Variants in DNAI4 observed in about 807,000 individuals in gnomAD.
The protein encoded by DNAI4 is dynein axonemal intermediate chain 4, also known as WD repeat domain 78.
DNAI4 carries 85 observed loss-of-function variants against 105.8 expected under a neutral mutation model. That is an observed-to-expected ratio of 0.80 (90% CI 0.67 to 0.96). The LOEUF is 0.96. Ranked by LOEUF, DNAI4 falls within the 40% of genes least tolerant of loss-of-function variation. The pLI is 0.00. For missense variants in DNAI4, 1,014 were observed against 1,005.6 expected (o/e 1.01, Z -0.11); for synonymous variants, 352 against 331.5 (o/e 1.06, Z -0.67).
intron 6 of DNAI4, among the ~76,000 whole-genome samples, chr1:66,867,300 G>A (rs1437597121): frequency 6.6e-6 from 1 of 152,090 alleles, no homozygotes; most frequent in Admixed American, 6.5e-5. Flanking sequence ...GTAATATGCT[G>A]GCACTTGTTG....
rs115763127 is a variant in DNAI4, at chr1:66,865,381, G to A, written c.941-3079C>T. 9.5e-3 allele frequency among the ~76,000 whole-genome samples: 1,443 copies of A among 152,160 alleles called. 15 individuals carry two copies. The highest frequency in any genetic ancestry group is 0.033 in the African/African-American group (1,371 of 41,504). ...AGAGGTTGCAGTGAGCCAAGATTGC[G>A]CCATTGCCCTTCAACCTGGGTGTCA... On this transcript the variant is annotated intron_variant, in intron 6 of 16. Transcript: ENST00000371026.
In DNAI4 at chr1:66,840,557, G is replaced by A. The variant is rs1325809727; in HGVS notation, c.1406C>T (p.Pro469Leu). The change falls in exon 9 of 17, where the codon CCC becomes CTC. Residue 469 changes from proline to leucine, a missense_variant. Physicochemically the swap from Pro to Leu is moderately conservative, Grantham distance 98. Coordinates refer to ENST00000371026, the MANE Select transcript of DNAI4 (RefSeq NM_024763.5). ...EEIHAEESTI[P>L]ANLERLWSFS... Reference sequence around the variant, plus strand: ...AGACCAAAGTCGTTCCAAGTTGGCGGGTATTGTTGATTCTTCTGCATGTAT... The same window carrying A: ...AGACCAAAGTCGTTCCAAGTTGGCGAGTATTGTTGATTCTTCTGCATGTAT... 6.2e-6 allele frequency: 10 copies of A among 1,614,020 alleles called. No individual in the cohort carries two copies. Among genetic ancestry groups the A allele is most frequent in the African/African-American group, 1.3e-5 (1 of 74,894 alleles).
chr1:66,814,457 C>T (rs1442338182), intron 16 of DNAI4, among the ~76,000 whole-genome samples: 1 of 152,052 alleles, frequency 6.6e-6, no homozygotes, highest in Non-Finnish European at 1.5e-5. Flanking sequence ...TAACCTCCGC[C>T]TCCTGGGTTC....
Position 66,847,615 on chromosome 1 carries a change from T to C in DNAI4, c.1160A>G (p.Glu387Gly). ...TAATATTGCATCTGAGTGGTCTTCC[T>C]CATCTTCATGGATTTTTGCCAGAAT... Reference protein sequence around the residue: ...NVILAKIHEDEEDHSDAILKS... With the variant: ...NVILAKIHEDGEDHSDAILKS... Residue 387 changes from glutamate to glycine, a missense_variant, in exon 8 of 17, where the codon GAG becomes GGG. Glu to Gly is a moderately conservative substitution (Grantham distance 98). Coordinates refer to ENST00000371026, the MANE Select transcript of DNAI4 (RefSeq NM_024763.5). 1.2e-6 allele frequency: 2 copies of C among 1,613,838 alleles called. No homozygotes were observed. Among genetic ancestry groups the C allele is most frequent in the Non-Finnish European group, 1.7e-6 (2 of 1,179,924 alleles).
intron 9 of DNAI4, among the ~76,000 whole-genome samples, chr1:66,838,291 G>A (rs529604943): frequency 6.6e-6 from 1 of 152,262 alleles, no homozygotes; most frequent in South Asian, 2.1e-4. Flanking sequence ...TTATAAGGAT[G>A]GGGTCCTAAT....
intron 13 of DNAI4, among the ~76,000 whole-genome samples, chr1:66,833,262 A>G (rs533814908): frequency 6.6e-6 from 1 of 152,296 alleles, no homozygotes; most frequent in South Asian, 2.1e-4. Context: ...TATAATTCAC[A>G]CATGTCAAGT....
At chr1:66,918,599 T>C (rs780666344) in intron 1 of DNAI4, among the ~76,000 whole-genome samples, 10 of 152,162 alleles carry the variant, frequency 6.6e-5, no homozygotes, top group Non-Finnish European at 1.3e-4. Context: ...CCTATATCAA[T>C]TTTTCCAGGG....
chr1:66,830,880 C>T (rs1042988060), intron 13 of DNAI4, among the ~76,000 whole-genome samples: 4 of 144,710 alleles, frequency 2.8e-5, no homozygotes, highest in East Asian at 2.1e-4. Context: ...AGGAGGCTGA[C>T]GTGGGAGGAT....
chr1:66,860,758 G>A (rs919962624), intron 7 of DNAI4: 1 of 152,038 alleles, frequency 6.6e-6, no homozygotes, highest in African/African-American at 2.4e-5. Flanking sequence ...GGAAAAGATC[G>A]ATCTAATATA....
chr1:66,894,980 T>G (rs192918175), intron 2 of DNAI4, among the ~76,000 whole-genome samples: 1 of 152,210 alleles, frequency 6.6e-6, no homozygotes, highest in Non-Finnish European at 1.5e-5. Flanking sequence ...GCAAAGAATC[T>G]ATAAATCAAA....
intron 1 of DNAI4, among the ~76,000 whole-genome samples, chr1:66,906,228 A>G (rs1205711971): frequency 6.6e-6 from 1 of 152,004 alleles, no homozygotes; most frequent in African/African-American, 2.4e-5. Context: ...TTTTAATAAG[A>G]AGAGAAGTTA....
chr1:66,859,157 T>C (rs1314729033), intron 7 of DNAI4, among the ~76,000 whole-genome samples: 1 of 152,116 alleles, frequency 6.6e-6, no homozygotes, highest in Non-Finnish European at 1.5e-5. Flanking sequence ...GCCAAATTTT[T>C]AAAAGGGCAA....
At chr1:66,876,469 G>A (rs1646961387) in intron 4 of DNAI4, among the ~76,000 whole-genome samples, 1 of 152,006 alleles carries the variant, frequency 6.6e-6, no homozygotes, top group African/African-American at 2.4e-5. Flanking sequence ...AACCTAATAT[G>A]GTAACATCTC....
chr1:66,901,067 G>A (rs1208345512), intron 2 of DNAI4, among the ~76,000 whole-genome samples: 2 of 152,066 alleles, frequency 1.3e-5, no homozygotes, highest in Non-Finnish European at 2.9e-5. Flanking sequence ...AGTTTGTTGC[G>A]TGTTTATATC....
chr1:66,918,218 G>C (rs11208971), intron 1 of DNAI4, among the ~76,000 whole-genome samples: 1 of 151,962 alleles, frequency 6.6e-6, no homozygotes, highest in Non-Finnish European at 1.5e-5. Context: ...CAAACCAGTC[G>C]TACCATGATT....
chr1:66,891,404 T>A (rs905291152), intron 3 of DNAI4, 138 bp from the exon 4 acceptor site: 38 of 574,202 alleles, frequency 6.6e-5, no homozygotes, highest in Non-Finnish European at 1.1e-4. Context: ...CATTAATTTT[T>A]AAATAATGAG....
At chr1:66,901,195 A>AT (rs1350322155) in intron 2 of DNAI4, among the ~76,000 whole-genome samples, 10 of 152,068 alleles carry the variant, frequency 6.6e-5, no homozygotes, top group African/African-American at 2.4e-4. Context: ...ATATTTCATT[A>AT]ATTTCCACCC....
At chr1:66,892,764 A>T (rs377684071) in intron 3 of DNAI4, among the ~76,000 whole-genome samples, 35 of 151,658 alleles carry the variant, frequency 2.3e-4, no homozygotes, top group African/African-American at 8.5e-4. Flanking sequence ...AAAATTAGCC[A>T]GGTGTAGTGG....
At position 66,836,140 on chromosome 1, in the gene DNAI4, AAAAGAAAGAAAG is replaced by A. The variant is rs1165479234; in HGVS notation, c.1582-375_1582-364del. On this transcript the variant is annotated intron_variant, in intron 10 of 16. Coordinates refer to ENST00000371026, the MANE Select transcript of DNAI4 (RefSeq NM_024763.5). Reference sequence around the variant, plus strand: ...ACCCTCATCTCAGAAAGAAAGAAAGAAAAGAAAGAAAGAAAGAAAGAAAGAAAGAAAGAAAGA... The same window carrying A: ...ACCCTCATCTCAGAAAGAAAGAAAGAAAAGAAAGAAAGAAAGAAAGAAAGA... Among the ~76,000 whole-genome samples the A allele has an allele frequency of 8.6e-4, 83 of 96,070 alleles. 1 individual carries two copies. Among genetic ancestry groups the A allele is most frequent in the African/African-American group, 1.7e-3 (39 of 22,922 alleles). The allele number at this position is 96,070 out of a possible 152,430, so 63.0% of individuals were successfully genotyped here.
Sources: gnomAD v4.1 joint callset for allele counts (sites outside exome capture counted in the v4.1 genomes callset) on GRCh38, gnomAD v4.1.1 for gene constraint, MANE v1.5 for transcripts, NCBI Gene and HGNC (gene_info 2026-07-23, HGNC 2026-07-21) for gene names.